EPS8: variants seen among roughly 807,000 people sequenced by gnomAD.
EPS8 encodes EGFR pathway substrate 8, signaling adaptor.
In EPS8, 42 loss-of-function variants were observed where a neutral mutation model predicts 103.8. That is an observed-to-expected ratio of 0.40 (90% CI 0.32 to 0.52). The LOEUF is 0.52. Among genes scored for constraint, EPS8 ranks in the 20% least tolerant of loss-of-function variants. The probability of loss-of-function intolerance (pLI) is 0.40; values close to 1 mark genes in which losing one functional copy is unlikely to be tolerated. For synonymous variants in EPS8, 344 were observed against 344.6 expected, an observed-to-expected ratio of 1.00 and a Z score of 0.02; for missense variants, 969 against 1,005.1, an observed-to-expected ratio of 0.96 and a Z score of 0.49.
chr12:15,630,815 T>C (rs535852231), intron 18 of EPS8, among the ~76,000 whole-genome samples: 4 of 152,290 alleles, frequency 2.6e-5, no homozygotes, highest in South Asian at 2.1e-4. Context: ...CTCAGCACCA[T>C]TGATATTTTG....
chr12:15,649,078 GT>G (rs1419318786), intron 14 of EPS8, among the ~76,000 whole-genome samples: 1 of 152,094 alleles, frequency 6.6e-6, no homozygotes, highest in Non-Finnish European at 1.5e-5. Flanking sequence ...GCTAGAATGT[GT>G]TTTTCATTTT....
At chr12:15,681,327 T>C (rs1237175376) in intron 2 of EPS8, 25 bp from the exon 3 acceptor site, 3 of 981,590 alleles carry the variant, frequency 3.1e-6, no homozygotes, top group South Asian at 3.3e-5. Flanking sequence ...ATAATAATAA[T>C]AATAATAATA....
At chr12:15,666,327 A>G (rs1288847851) in intron 7 of EPS8, 113 bp downstream of exon 7, 1 of 745,646 alleles carries the variant, frequency 1.3e-6, no homozygotes, top group Non-Finnish European at 2.2e-6. Flanking sequence ...ACAGGTTATG[A>G]TCTATACAAT....
intron 18 of EPS8, among the ~76,000 whole-genome samples, chr12:15,628,962 G>T (rs891329444): frequency 1.2e-4 from 19 of 152,006 alleles, no homozygotes; most frequent in African/African-American, 4.1e-4. Flanking sequence ...AAGTTATCAA[G>T]AAATATTTGT....
chr12:15,740,342 G>T (rs1326720889), intron 1 of EPS8, among the ~76,000 whole-genome samples: 1 of 151,820 alleles, frequency 6.6e-6, no homozygotes, highest in Non-Finnish European at 1.5e-5. Flanking sequence ...GTCAGGAGTT[G>T]GAGACCAGCC....
chr12:15,720,068 C>G (rs1005219044), intron 1 of EPS8, among the ~76,000 whole-genome samples: 4 of 152,102 alleles, frequency 2.6e-5, no homozygotes, highest in Admixed American at 6.6e-5. Flanking sequence ...GACTCATATC[C>G]CAACTCCATA....
chr12:15,755,439 G>C (rs1233320242), intron 1 of EPS8, among the ~76,000 whole-genome samples: 1 of 151,812 alleles, frequency 6.6e-6, no homozygotes, highest in Non-Finnish European at 1.5e-5. Context: ...ATCTCAGAAG[G>C]ACCACTGATT....
intron 3 of EPS8, among the ~76,000 whole-genome samples, chr12:15,675,429 G>A (rs1945886387): frequency 6.6e-6 from 1 of 152,072 alleles, no homozygotes; most frequent in South Asian, 2.1e-4. Flanking sequence ...GCGAAAGGCT[G>A]TCTCCACTAA....
rs765818041 is a variant in EPS8 at position 15,669,646 on chromosome 12, T to C, written c.366+18A>G. ...GGAGTTTCTTGAAAATAAAATAGTA[T>C]AAATTTTACACACTTGCCTTTGATT... On this transcript the variant is annotated intron_variant, in intron 5 of 20. Transcript: ENST00000281172. 5.7e-6 allele frequency: 9 copies of C among 1,573,906 alleles called. No homozygotes were observed. The highest frequency in any genetic ancestry group is 1.7e-4 in the Middle Eastern group (1 of 5,858).
chr12:15,740,273 G>A (rs1230570066), intron 1 of EPS8, among the ~76,000 whole-genome samples: 1 of 152,132 alleles, frequency 6.6e-6, no homozygotes, highest in Non-Finnish European at 1.5e-5. Flanking sequence ...TAGGCTGGGA[G>A]CGGTGGCTCA....
At chr12:15,683,552 A>C (rs1946045159) in intron 1 of EPS8, 2 of 152,214 alleles carry the variant, frequency 1.3e-5, no homozygotes, top group Admixed American at 6.5e-5. Flanking sequence ...GCACAAATGC[A>C]CATGGACACA....
chr12:15,740,325 T>A (rs2136004911), intron 1 of EPS8, among the ~76,000 whole-genome samples: 1 of 152,054 alleles, frequency 6.6e-6, no homozygotes, highest in East Asian at 1.9e-4. Context: ...GGCTGGCAGA[T>A]CATGAGGTCA....
chr12:15,691,144 T>C (rs1000725646), intron 1 of EPS8, among the ~76,000 whole-genome samples: 4 of 151,066 alleles, frequency 2.6e-5, no homozygotes, highest in African/African-American at 9.8e-5. Flanking sequence ...AAAGACCACA[T>C]TATAGGCAAT....
intron 1 of EPS8, among the ~76,000 whole-genome samples, chr12:15,788,406 G>A (rs1300043082): frequency 6.6e-6 from 1 of 152,188 alleles, no homozygotes; most frequent in Non-Finnish European, 1.5e-5. Flanking sequence ...GGCCCTATGG[G>A]AGGAGGAGGA....
Position 15,641,835 on chromosome 12 carries a change from A to G in EPS8, c.1569-5T>C. ...GTTTTGAGTGGTTCATAATTTCTAT[A>G]AAAAGAAAGAAAAAAGATTATTATT... On this transcript the variant is annotated splice_region_variant and splice_polypyrimidine_tract_variant and intron_variant, in intron 15 of 20. Coordinates refer to ENST00000281172, the MANE Select transcript of EPS8 (RefSeq NM_004447.6). 6.9e-7 allele frequency: 1 copy of G among 1,438,856 alleles called. No homozygotes were observed. The highest frequency in any genetic ancestry group is 2.4e-5 in the East Asian group (1 of 42,492). The allele number at this position is 1,438,856 out of a possible 1,614,324, so 89.1% of individuals were successfully genotyped here.
chr12:15,786,535 T>G (rs1159108443), intron 1 of EPS8, among the ~76,000 whole-genome samples: 2 of 152,108 alleles, frequency 1.3e-5, no homozygotes, highest in Admixed American at 1.3e-4. Flanking sequence ...ACTAATGTAC[T>G]GATACTGGTT....
chr12:15,753,967 G>A (rs1284102106), intron 1 of EPS8, among the ~76,000 whole-genome samples: 2 of 152,226 alleles, frequency 1.3e-5, no homozygotes. Context: ...TTATACCTGA[G>A]GAGGTGAAAG....
intron 17 of EPS8, 105 bp downstream of exon 17, chr12:15,640,598 A>C: frequency 1.0e-6 from 1 of 1,001,722 alleles, no homozygotes; most frequent in Non-Finnish European, 1.4e-6. Context: ...TATATAACCA[A>C]CTACATCTCA....
chr12:15,665,895 TA>T lies in EPS8; in HGVS notation c.600-4del. 2 of 1,613,122 alleles carry T rather than the reference TA, an allele frequency of 1.2e-6. No homozygotes were observed. Among genetic ancestry groups the T allele is most frequent in the Non-Finnish European group, 1.7e-6 (2 of 1,179,652 alleles). On this transcript the variant is annotated splice_polypyrimidine_tract_variant and splice_region_variant and intron_variant, in intron 7 of 20. Transcript: ENST00000281172. Reference sequence around the variant, plus strand: ...TAGGGTCTGCATTGGAAATCATCCTTAAAAAGATGAAAACAAATAGAATTTT... The same window carrying T: ...TAGGGTCTGCATTGGAAATCATCCTTAAAAGATGAAAACAAATAGAATTTT...
Sources: gnomAD v4.1 joint callset for allele counts (sites outside exome capture counted in the v4.1 genomes callset) on GRCh38, gnomAD v4.1.1 for gene constraint, MANE v1.5 for transcripts, NCBI Gene and HGNC (gene_info 2026-07-23, HGNC 2026-07-21) for gene names.